The following CCDC186 variants were observed in gnomAD, a reference collection of about 807,000 sequenced individuals.
The protein encoded by CCDC186 is coiled-coil domain containing 186, also known as coiled-coil domain-containing protein 186.
Under a neutral mutation model 113.7 loss-of-function variants are expected in CCDC186, and 49 were observed. The ratio of observed to expected loss-of-function variants is 0.43; its 90% CI spans 0.34 to 0.55. The LOEUF (loss-of-function observed/expected upper bound fraction) is 0.55, where lower values mean the gene tolerates loss of function less well. Ranked by LOEUF, CCDC186 falls within the 20% of genes least tolerant of loss-of-function variation. CCDC186 has a pLI of 0.02. For synonymous variants in CCDC186, 355 were observed against 345.8 expected, an observed-to-expected ratio of 1.03 and a Z score of -0.30; for missense variants, 890 against 1,011.1, an observed-to-expected ratio of 0.88 and a Z score of 1.62.
intron 1 of CCDC186, among the ~76,000 whole-genome samples, chr10:114,172,185 C>A (rs1324596817): frequency 6.6e-6 from 1 of 152,184 alleles, no homozygotes; most frequent in African/African-American, 2.4e-5. Context: ...GAAACTGTTG[C>A]ATGAATTTGA....
chr10:114,168,639 G>A lies in CCDC186; in HGVS notation c.-61-5310C>T, dbSNP rs533188764. Among the ~76,000 whole-genome samples, 34 of 152,022 alleles carry A rather than the reference G, an allele frequency of 2.2e-4. 1 individual carries two copies. The highest frequency in any genetic ancestry group is 6.5e-4 in the African/African-American group (27 of 41,462). Reference sequence around the variant, plus strand: ...CCTCAACCCCTTATGAGTCATCCCCGACCCAACCAATCAGCATTCCCCATT... The same window carrying A: ...CCTCAACCCCTTATGAGTCATCCCCAACCCAACCAATCAGCATTCCCCATT... On this transcript the variant is annotated intron_variant, in intron 1 of 15. Coordinates refer to ENST00000369287, the MANE Select transcript of CCDC186 (RefSeq NM_018017.4).
At chr10:114,135,755 C>G in intron 9 of CCDC186, 136 bp downstream of exon 9, 3 of 671,564 alleles carry the variant, frequency 4.5e-6, no homozygotes, top group Non-Finnish European at 7.4e-6. Context: ...GAAATTGCTC[C>G]TCTACTCTAC....
At chr10:114,143,436 C>A in intron 6 of CCDC186, among the ~76,000 whole-genome samples, 1 of 152,152 alleles carries the variant, frequency 6.6e-6, no homozygotes, top group Non-Finnish European at 1.5e-5. Flanking sequence ...ATTTCAATTC[C>A]TCATTCTGTA....
chr10:114,162,583 G>A (rs748189880), intron 2 of CCDC186, 54 bp downstream of exon 2: 32 of 1,284,324 alleles, frequency 2.5e-5, no homozygotes, highest in Non-Finnish European at 3.1e-5. Flanking sequence ...ATTTTATCTC[G>A]AATCCCTGTG....
chr10:114,148,058 C>T (rs1297517833), intron 4 of CCDC186, among the ~76,000 whole-genome samples: 1 of 152,100 alleles, frequency 6.6e-6, no homozygotes, highest in East Asian at 1.9e-4. Context: ...TCTCTTGAGC[C>T]CAGGAGGTTG....
intron 1 of CCDC186, among the ~76,000 whole-genome samples, chr10:114,169,108 C>A (rs1022488357): frequency 3.9e-5 from 6 of 152,042 alleles, no homozygotes; most frequent in Admixed American, 2.6e-4. Flanking sequence ...AGTATTTTAA[C>A]TTTAAGGTTT....
At position 114,125,910 on chromosome 10, in the gene CCDC186, C is replaced by T. The variant is rs755569575; in HGVS notation, c.2589G>A (p.Thr863=). The T allele has an allele frequency of 1.9e-6, 3 of 1,613,772 alleles. No homozygotes were observed. Among genetic ancestry groups the T allele is most frequent in the Non-Finnish European group, 8.5e-7 (1 of 1,179,824 alleles). The stretch of plus-strand genomic sequence containing the variant: ...CCTTCAAAGTAATATTTTTTAGTAA[C>T]GTATCCTCCAAAACAGCCTGTAATT... The part of the protein sequence containing the change: ...NRKLQAVLED[T]LLKNITLKEN... Residue 863 remains threonine, a synonymous_variant, in exon 15 of 16, where the codon ACG becomes ACA. Transcript: ENST00000369287.
At position 114,129,872 on chromosome 10, in the gene CCDC186, A is replaced by G. The variant is rs1231150727; in HGVS notation, c.2182+19T>C. 2 of 1,607,962 alleles carry G rather than the reference A, an allele frequency of 1.2e-6. No individual in the cohort carries two copies. Among genetic ancestry groups the G allele is most frequent in the African/African-American group, 1.3e-5 (1 of 74,750 alleles). Reference sequence around the variant, plus strand: ...TTATATCAATCATGAAATAACAACTAGAGCCACTAGTTTTTTACCTGATGA... The same window carrying G: ...TTATATCAATCATGAAATAACAACTGGAGCCACTAGTTTTTTACCTGATGA... On this transcript the variant is annotated intron_variant, in intron 13 of 15. Transcript: ENST00000369287.
chr10:114,145,586 T>A lies in CCDC186; in HGVS notation c.1064A>T (p.Gln355Leu). The A allele has an allele frequency of 6.2e-7, 1 of 1,612,002 alleles. No individual in the cohort carries two copies. Among genetic ancestry groups the A allele is most frequent in the Non-Finnish European group, 8.5e-7 (1 of 1,179,756 alleles). ...CAGCTGGTGCAACCGTCCTTTCTCC[T>A]GAGAAAGCTGCTTAATTTTGTTAGT... The part of the protein sequence containing the change: ...KNTNKIKQLS[Q>L]EKGRLHQLYE... Residue 355 changes from glutamine (Q) to leucine (L), a missense_variant, in exon 5 of 16, where the codon CAG becomes CTG. Transcript: ENST00000369287.
rs375155859 is a variant in CCDC186, at chr10:114,135,047, A to G, written c.1521T>C (p.Cys507=). ...CTGTTCTTAATCGTTCATCTTCTAG[A>G]CATTTCACCTATCAAATGATCACAA... ...ELRTLRTKVK[C]LEDERLRTED... The change falls in exon 10 of 16, where the codon TGT becomes TGC. Residue 507 remains cysteine, a synonymous_variant. Transcript: ENST00000369287. The G allele has an allele frequency of 5.9e-5, 94 of 1,604,910 alleles. No homozygotes were observed. In the Middle Eastern group the frequency reaches 1.7e-3, roughly 28 times the overall value.
intron 4 of CCDC186, 92 bp downstream of exon 4, chr10:114,151,000 G>C: frequency 1.4e-6 from 2 of 1,443,030 alleles, no homozygotes; most frequent in Non-Finnish European, 1.9e-6. Flanking sequence ...ATACAATAGT[G>C]AGGTCCAAAA....
In CCDC186 at chr10:114,145,854, T is replaced by TG. The variant is rs1265886560; in HGVS notation, c.889-94dup. ...TGGTATTTGTCTCTTATATTACCAATGCATTGTTTGGTTTTTGCACAACAT... is the reference window on the plus strand; with the variant it reads ...TGGTATTTGTCTCTTATATTACCAATGGCATTGTTTGGTTTTTGCACAACAT... On this transcript the variant is annotated intron_variant, in intron 4 of 15. Coordinates refer to ENST00000369287, the MANE Select transcript of CCDC186 (RefSeq NM_018017.4). 2.5e-6 allele frequency: 3 copies of TG among 1,183,166 alleles called. No homozygotes were observed. In the Admixed American group the frequency reaches 8.7e-5, roughly 34 times the overall value. 73.3% of individuals were successfully genotyped at this position (1,183,166 alleles called of 1,614,324 possible).
Position 114,138,062 on chromosome 10 carries a change from AAAAAAAAAAAAT to A in CCDC186, c.1222-784_1222-773del, listed in dbSNP as rs1478098901. On this transcript the variant is annotated intron_variant, in intron 6 of 15. Coordinates refer to ENST00000369287, the MANE Select transcript of CCDC186 (RefSeq NM_018017.4). ...CAAAAAAAAAAAAAAAAAAAAAAAAAAAAAAAAAAAATAAAAAAAATACACAAATTAGCCAGG... is the reference window on the plus strand; with the variant it reads ...CAAAAAAAAAAAAAAAAAAAAAAAAAAAAAAAAATACACAAATTAGCCAGG... 3.9e-3 allele frequency among the ~76,000 whole-genome samples: 369 copies of A among 94,748 alleles called. 16 individuals carry two copies. The highest frequency in any genetic ancestry group is 0.015 in the African/African-American group (257 of 17,450). The allele number at this position is 94,748 out of a possible 152,430, so 62.2% of individuals were successfully genotyped here. A position where few individuals can be genotyped will look rare whatever the true frequency, so the allele number is the denominator to read the frequency against.
At chr10:114,173,339 A>G in intron 1 of CCDC186, 1 of 338,498 alleles carries the variant, frequency 3.0e-6, no homozygotes, top group African/African-American at 2.1e-5. Context: ...TCACACCTGC[A>G]CTGTTTCCCA....
intron 10 of CCDC186, among the ~76,000 whole-genome samples, chr10:114,132,534 T>G (rs563204575): frequency 2.0e-5 from 3 of 152,330 alleles, no homozygotes; most frequent in East Asian, 1.9e-4. Flanking sequence ...AAAGATCAGA[T>G]AGTAAATAAG....
In CCDC186 at chr10:114,131,276, C is replaced by T. The variant is rs760712044; in HGVS notation, c.1972G>A (p.Glu658Lys). The T allele has an allele frequency of 2.5e-6, 4 of 1,602,360 alleles. No individual in the cohort carries two copies. In the Admixed American group the frequency reaches 6.9e-5, roughly 28 times the overall value. ...ACTTCTGTTTGTCTACAAGCGAGTT[C>T]AGCTTGCAGAGTTTGGACTTCCTCT... ...RKEEVQTLQA[E>K]LACRQTEVKA... Residue 658 changes from glutamate (E) to lysine (K), a missense_variant, in exon 12 of 16, where the codon GAA (glutamate) becomes AAA (lysine). By Grantham distance (56) the Glu-to-Lys change is moderately conservative. Transcript: ENST00000369287.
intron 6 of CCDC186, among the ~76,000 whole-genome samples, chr10:114,144,205 C>T (rs918570583): frequency 1.3e-5 from 2 of 151,996 alleles, no homozygotes; most frequent in Non-Finnish European, 2.9e-5. Context: ...GCTTAAAGAA[C>T]AGGGCAAATT....
rs1173889176 is a variant in CCDC186 at position 114,132,239 on chromosome 10, TA to T, written c.1656-56del. 113 of 1,292,522 alleles carry T rather than the reference TA, an allele frequency of 8.7e-5. No homozygotes were observed. In the East Asian group the frequency reaches 2.9e-3, roughly 33 times the overall value. 80.1% of individuals were successfully genotyped at this position (1,292,522 alleles called of 1,614,324 possible). A position where few individuals can be genotyped will look rare whatever the true frequency, so the allele number is the denominator to read the frequency against. ...AATAAACCATTAAAAGACATTAAAT[TA>T]ATGGTTTGGGAATTTTCATCTAGTC... On this transcript the variant is annotated intron_variant, in intron 10 of 15. Transcript: ENST00000369287.
chr10:114,130,066 G>C, intron 12 of CCDC186, 95 bp from the exon 13 acceptor site: 1 of 1,054,296 alleles, frequency 9.5e-7, no homozygotes, highest in Non-Finnish European at 1.4e-6. Flanking sequence ...GGCAAAAATG[G>C]CATAGACAAG....
Sources: gnomAD v4.1 joint callset for allele counts (sites outside exome capture counted in the v4.1 genomes callset) on GRCh38, gnomAD v4.1.1 for gene constraint, MANE v1.5 for transcripts, NCBI Gene and HGNC (gene_info 2026-07-23, HGNC 2026-07-21) for gene names.